RBFOX3: variants seen among roughly 807,000 people sequenced by gnomAD.
RBFOX3 encodes RNA binding fox-1 homolog 3.
A neutral mutation model predicts 48.7 loss-of-function variants in RBFOX3; 17 were observed. The ratio of observed to expected loss-of-function variants is 0.35; its 90% CI spans 0.24 to 0.52. RBFOX3 has a LOEUF of 0.52. RBFOX3 is among the 20% of genes least tolerant of loss of function. The pLI is 0.94. For synonymous variants in RBFOX3, 212 were observed against 209.5 expected (o/e 1.01, Z -0.10); for missense variants, 382 against 497.5 (o/e 0.77, Z 2.21).
At chr17:79,494,877 A>T (rs2081211814) in intron 1 of RBFOX3, among the ~76,000 whole-genome samples, 1 of 152,222 alleles carries the variant, frequency 6.6e-6, no homozygotes, top group South Asian at 2.1e-4. Flanking sequence ...CAACAGAGGC[A>T]CAAGAGGACC....
rs111229657 is a variant in RBFOX3, at chr17:79,309,864, C to T, written c.-174-2040G>A. 4.5e-3 allele frequency among the ~76,000 whole-genome samples: 686 copies of T among 152,278 alleles called. 6 individuals carry two copies. The highest frequency in any genetic ancestry group is 0.016 in the African/African-American group (658 of 41,544). On this transcript the variant is annotated intron_variant, in intron 2 of 14. Coordinates refer to ENST00000693108, the MANE Select transcript of RBFOX3 (RefSeq NM_001350451.2). Reference sequence around the variant, plus strand: ...CTCACTTCCCCTTCGCCTTCCGCCACGATTGTAAGTTCCCCAGACATGAGG... The same window carrying T: ...CTCACTTCCCCTTCGCCTTCCGCCATGATTGTAAGTTCCCCAGACATGAGG...
At chr17:79,337,146 T>TAAATAAA in intron 2 of RBFOX3, among the ~76,000 whole-genome samples, 2 of 152,020 alleles carry the variant, frequency 1.3e-5, no homozygotes, top group African/African-American at 4.8e-5. Context: ...GTGCTCTTAT[T>TAAATAAA]TCGATAGTCC....
chr17:79,259,265 T>C (rs1212002536), intron 3 of RBFOX3, among the ~76,000 whole-genome samples: 1 of 152,178 alleles, frequency 6.6e-6, no homozygotes, highest in Non-Finnish European at 1.5e-5. Context: ...TGTGCTGTCC[T>C]CGGGTCGAGG....
chr17:79,470,536 A>T (rs1451911250), intron 2 of RBFOX3, among the ~76,000 whole-genome samples: 1 of 152,188 alleles, frequency 6.6e-6, no homozygotes, highest in African/African-American at 2.4e-5. Flanking sequence ...ACACACATGC[A>T]TCTAAGGTTA....
At chr17:79,520,261 G>T (rs1056313545) in intron 1 of RBFOX3, among the ~76,000 whole-genome samples, 1 of 152,230 alleles carries the variant, frequency 6.6e-6, no homozygotes, top group Non-Finnish European at 1.5e-5. Flanking sequence ...TGACGAGGCA[G>T]CAGGGCAGGA....
At chr17:79,549,118 G>A (rs1599123356) in intron 1 of RBFOX3, among the ~76,000 whole-genome samples, 1 of 152,340 alleles carries the variant, frequency 6.6e-6, no homozygotes, top group South Asian at 2.1e-4. Context: ...TTATAACCAG[G>A]CCAGGCTTTG....
Position 79,115,518 on chromosome 17 carries a change from G to A in RBFOX3, c.198C>T (p.Pro66=). The A allele has an allele frequency of 7.5e-7, 1 of 1,339,108 alleles. No individual in the cohort carries two copies. The highest frequency in any genetic ancestry group is 9.6e-7 in the Non-Finnish European group (1 of 1,043,522). The allele number at this position is 1,339,108 out of a possible 1,614,324, so 83.0% of individuals were successfully genotyped here. A position where few individuals can be genotyped will look rare whatever the true frequency, so the allele number is the denominator to read the frequency against. The change falls in exon 5 of 15, where the codon CCC becomes CCT. Residue 66 remains proline (P), a synonymous_variant. Transcript: ENST00000693108. ...CCGGCACTGTCTGGGTCCCGGCGAT[G>A]GGCTGTGTGCTGGCCTCGGAGCCTG... The part of the protein sequence containing the change: ...EQPGSEASTQ[P]IAGTQTVPQT...
intron 4 of RBFOX3, among the ~76,000 whole-genome samples, chr17:79,194,410 C>T (rs576486438): frequency 1.1e-4 from 16 of 152,198 alleles, no homozygotes; most frequent in African/African-American, 3.6e-4. Flanking sequence ...AGTTCAAGAC[C>T]AGCCTGGCCA....
intron 4 of RBFOX3, among the ~76,000 whole-genome samples, chr17:79,150,829 A>AG (rs1224084227): frequency 6.6e-6 from 1 of 152,164 alleles, no homozygotes. Flanking sequence ...ATGGGGCCTC[A>AG]GGGGGGTCAC....
intron 2 of RBFOX3, among the ~76,000 whole-genome samples, chr17:79,310,054 C>T (rs931547546): frequency 1.1e-4 from 17 of 152,148 alleles, no homozygotes; most frequent in Non-Finnish European, 2.2e-4. Flanking sequence ...GGTCTCCATA[C>T]CGGAGCAGGG....
At chr17:79,415,644 C>A (rs2065224468) in intron 2 of RBFOX3, among the ~76,000 whole-genome samples, 1 of 152,214 alleles carries the variant, frequency 6.6e-6, no homozygotes, top group South Asian at 2.1e-4. Context: ...AGGACAGTCA[C>A]ACAATTGCAT....
chr17:79,329,794 G>A (rs193096566), intron 2 of RBFOX3, among the ~76,000 whole-genome samples: 244 of 152,236 alleles, frequency 1.6e-3, no homozygotes, highest in Non-Finnish European at 2.1e-3. Context: ...CTCCCATCCC[G>A]GTTCCTCTTC....
intron 4 of RBFOX3, among the ~76,000 whole-genome samples, chr17:79,151,121 G>A (rs998945290): frequency 6.6e-6 from 1 of 152,138 alleles, no homozygotes; most frequent in Non-Finnish European, 1.5e-5. Context: ...TCTTGGCGCA[G>A]ATTCTGGGTT....
intron 2 of RBFOX3, among the ~76,000 whole-genome samples, chr17:79,356,304 C>T (rs2084975650): frequency 6.9e-6 from 1 of 144,190 alleles, no homozygotes; most frequent in Non-Finnish European, 1.5e-5. Flanking sequence ...TGCCAAGGTA[C>T]CTCTGCCGTG....
At chr17:79,414,893 G>A (rs898365150) in intron 2 of RBFOX3, among the ~76,000 whole-genome samples, 4 of 152,354 alleles carry the variant, frequency 2.6e-5, no homozygotes, top group Non-Finnish European at 5.9e-5. Flanking sequence ...GACAGAGCCC[G>A]AGGTGGCGGG....
intron 4 of RBFOX3, among the ~76,000 whole-genome samples, chr17:79,167,865 G>A (rs978944819): frequency 6.6e-6 from 1 of 152,298 alleles, no homozygotes; most frequent in South Asian, 2.1e-4. Context: ...GAGCTCATCC[G>A]GGACCCTCCA....
upstream of RBFOX3, among the ~76,000 whole-genome samples, chr17:79,616,008 T>G (rs1447129435): frequency 2.6e-5 from 4 of 152,030 alleles, no homozygotes; most frequent in Non-Finnish European, 4.4e-5. Context: ...ACTGGACACA[T>G]CCACAGATAG....
At chr17:79,207,404 G>A (rs957427559) in intron 4 of RBFOX3, among the ~76,000 whole-genome samples, 21 of 152,240 alleles carry the variant, frequency 1.4e-4, no homozygotes, top group African/African-American at 5.1e-4. Context: ...GTGGCCTGAG[G>A]CCAGAGTCAG....
chr17:79,574,174 G>A (rs986105445), intron 1 of RBFOX3, among the ~76,000 whole-genome samples: 3 of 152,218 alleles, frequency 2.0e-5, no homozygotes, highest in African/African-American at 7.2e-5. Context: ...GGGTCCCCTT[G>A]TCAAAGGGAG....
Sources: allele counts gnomAD v4.1 joint callset (sites outside exome capture counted in the v4.1 genomes callset), GRCh38; gene constraint gnomAD v4.1.1; transcripts MANE v1.5; gene names NCBI Gene and HGNC (gene_info 2026-07-23, HGNC 2026-07-21).